TRIP11: variants seen among roughly 807,000 people sequenced by gnomAD.
TRIP11 encodes thyroid receptor-interacting protein 11.
Under a neutral mutation model 223.1 loss-of-function variants are expected in TRIP11, and 148 were observed. The ratio of observed to expected loss-of-function variants is 0.66; its 90% CI spans 0.58 to 0.76. The LOEUF (loss-of-function observed/expected upper bound fraction) is 0.76. TRIP11 is among the 30% of genes least tolerant of loss of function. The pLI, the probability that TRIP11 is intolerant of heterozygous loss-of-function variation, is 0.00. For synonymous variants in TRIP11, 762 were observed against 772.6 expected, an observed-to-expected ratio of 0.99 and a Z score of 0.23; for missense variants, 2,043 against 2,222.0, an observed-to-expected ratio of 0.92 and a Z score of 1.62.
At chr14:91,979,629 A>T (rs2056511482) in intron 16 of TRIP11, among the ~76,000 whole-genome samples, 1 of 152,200 alleles carries the variant, frequency 6.6e-6, no homozygotes, top group Non-Finnish European at 1.5e-5. Flanking sequence ...AAACTCAAGC[A>T]GTAGTTAGAA....
chr14:92,011,677 T>A, intron 8 of TRIP11, 78 bp downstream of exon 8: 1 of 1,200,986 alleles, frequency 8.3e-7, no homozygotes, highest in Non-Finnish European at 1.2e-6. Flanking sequence ...TTAAGGAAAA[T>A]TAAAACTCAT....
intron 4 of TRIP11, 140 bp downstream of exon 4, chr14:92,021,416 C>T: frequency 1.3e-6 from 1 of 753,312 alleles, no homozygotes; most frequent in Non-Finnish European, 2.1e-6. Flanking sequence ...GAAAGAAAGT[C>T]ACTGACGGAA....
chr14:91,998,499 A>G (rs1351609943), intron 13 of TRIP11, among the ~76,000 whole-genome samples: 1 of 152,188 alleles, frequency 6.6e-6, no homozygotes, highest in African/African-American at 2.4e-5. Flanking sequence ...TGACATTCAT[A>G]TTATTGATAG....
rs2056890438 is a variant in TRIP11 at position 92,005,631 on chromosome 14, A to G, written c.2345T>C (p.Ile782Thr). The change falls in exon 11 of 21, where the codon ATT (isoleucine) becomes ACT (threonine). Residue 782 changes from isoleucine (I) to threonine (T), a missense_variant. Coordinates refer to ENST00000267622, the MANE Select transcript of TRIP11 (RefSeq NM_004239.4). Reference protein sequence around the residue: ...DMEIAELKKNIEQMDTDHKET... With the variant: ...DMEIAELKKNTEQMDTDHKET... The stretch of plus-strand genomic sequence containing the variant: ...TTTATGGTCAGTATCCATTTGTTCA[A>G]TATTCTTTTTGAGTTCTGCTATTTC... The G allele has an allele frequency of 6.2e-7, 1 of 1,613,902 alleles. No individual in the cohort carries two copies. Among genetic ancestry groups the G allele is most frequent in the Admixed American group, 1.7e-5 (1 of 60,018 alleles).
chr14:92,019,803 T>C (rs1029694083), intron 4 of TRIP11, among the ~76,000 whole-genome samples: 2 of 152,156 alleles, frequency 1.3e-5, no homozygotes, highest in African/African-American at 4.8e-5. Flanking sequence ...CACATAAATA[T>C]TTAACGCAAA....
Position 92,014,495 on chromosome 14 carries a change from C to T in TRIP11, c.906G>A (p.Val302=), listed in dbSNP as rs1390923768. Residue 302 remains valine (V), a synonymous_variant, in exon 7 of 21, where the codon GTG becomes GTA. Coordinates refer to ENST00000267622, the MANE Select transcript of TRIP11 (RefSeq NM_004239.4). The stretch of plus-strand genomic sequence containing the variant: ...GTTGTTCCATTTTTTTGGTAGACTC[C>T]ACTTTTTCTATTTGTAGAACTTGAA... ...KTIQVLQIEK[V]ESTKKMEQLE... 3.1e-6 allele frequency: 5 copies of T among 1,595,650 alleles called. No homozygotes were observed. In the East Asian group the frequency reaches 1.1e-4, roughly 36 times the overall value.
chr14:92,023,349 A>AT (rs2057138201), intron 3 of TRIP11, among the ~76,000 whole-genome samples: 1 of 152,226 alleles, frequency 6.6e-6, no homozygotes, highest in Admixed American at 6.5e-5. Context: ...ATGTAATGAG[A>AT]TATCTTGGGG....
At chr14:91,999,911 C>CT in intron 12 of TRIP11, 57 bp downstream of exon 12, 1 of 1,603,704 alleles carries the variant, frequency 6.2e-7, no homozygotes, top group Admixed American at 1.7e-5. Flanking sequence ...TTCCAGTTCT[C>CT]TTAATAGTTA....
rs75223153 is a variant in TRIP11, at chr14:92,025,178, G to A, written c.312+132C>T. 4.9e-3 allele frequency: 3,564 copies of A among 726,558 alleles called. 80 individuals carry two copies. The highest frequency in any genetic ancestry group is 0.034 in the South Asian group (1,928 of 56,500). 45.0% of individuals were successfully genotyped at this position (726,558 alleles called of 1,614,324 possible). A position where few individuals can be genotyped will look rare whatever the true frequency, so the allele number is the denominator to read the frequency against. ...TAAATAAGGGATATCAAACTGAGTC[G>A]AAAATCATTAAATTCATCACCTTTT... On this transcript the variant is annotated intron_variant, in intron 3 of 20. Coordinates refer to ENST00000267622, the MANE Select transcript of TRIP11 (RefSeq NM_004239.4).
chr14:92,038,902 A>G (rs60935140), intron 1 of TRIP11, among the ~76,000 whole-genome samples: 1,586 of 152,328 alleles, frequency 0.01, 16 homozygotes, highest in African/African-American at 0.035. Context: ...GACTTCAAAA[A>G]TGAGTGAAGA....
In TRIP11 at chr14:91,978,728, C is replaced by T. The variant is rs547330865; in HGVS notation, c.5261-2539G>A. ...TGCCTGGGCTGATCTCAAACTCCTG[C>T]GTTCAAGTAATTCTCCTGCCATAGC... is the stretch of plus-strand genomic sequence containing the variant. On this transcript the variant is annotated intron_variant, in intron 16 of 20. Transcript: ENST00000267622. This position sits in a 1 kb window ranked among gnomAD's most constrained non-coding sequence, Gnocchi z 4.4. Among the ~76,000 whole-genome samples the T allele has an allele frequency of 2.6e-5, 4 of 152,176 alleles. No homozygotes were observed. The highest frequency in any genetic ancestry group is 4.8e-5 in the African/African-American group (2 of 41,522).
In TRIP11 at chr14:92,017,717, G is replaced by A; in HGVS notation, c.622C>T (p.Gln208Ter). Residue 208 changes from glutamine to a stop codon, truncating the protein, a stop_gained, in exon 5 of 21, where the codon CAA (glutamine) becomes TAA (stop). Coordinates refer to ENST00000267622, the MANE Select transcript of TRIP11 (RefSeq NM_004239.4). LOFTEE classifies it high-confidence loss of function. ...TTTTGTAGTTTACATATTTCACTTT[G>A]ATCAGAGTTATCTGTTCCTTGTGCT... Reference protein sequence around the residue: ...SKAQGTDNSDQSEICKLQNII... With the variant: ...SKAQGTDNSD The A allele has an allele frequency of 2.5e-6, 4 of 1,612,720 alleles. No individual in the cohort carries two copies. The highest frequency in any genetic ancestry group is 3.4e-6 in the Non-Finnish European group (4 of 1,179,296).
chr14:91,981,160 C>T (rs1448227827), intron 16 of TRIP11, among the ~76,000 whole-genome samples: 3 of 149,818 alleles, frequency 2.0e-5, no homozygotes, highest in African/African-American at 4.9e-5. Context: ...GGATAACAAG[C>T]GCCTGCCACC....
intron 6 of TRIP11, among the ~76,000 whole-genome samples, chr14:92,015,285 G>A (rs931037092): frequency 6.6e-6 from 1 of 152,118 alleles, no homozygotes; most frequent in Non-Finnish European, 1.5e-5. Context: ...TTATAACTTA[G>A]GGCAAGTTTA....
At position 91,975,228 on chromosome 14, in the gene TRIP11, C is replaced by T. The variant is rs144331208; in HGVS notation, c.5401G>A (p.Glu1801Lys). ...HFHTPKNQRH[E>K]VLRLMGSILG... ...ATGCTCCCCATTAACCGTAACACTT[C>T]ATGACGCTGATTTTTCGGTGTGTGG... The change falls in exon 18 of 21, where the codon GAA becomes AAA. Residue 1801 changes from glutamate to lysine, a missense_variant. Transcript: ENST00000267622. The T allele has an allele frequency of 1.5e-5, 25 of 1,613,734 alleles. No homozygotes were observed. In the African/African-American group the frequency reaches 3.2e-4, roughly 21 times the overall value.
In TRIP11 at chr14:91,975,167, G is replaced by C; in HGVS notation, c.5457+5C>G. On this transcript the variant is annotated splice_donor_5th_base_variant and intron_variant, in intron 18 of 20. Transcript: ENST00000267622. ...GTGTTCAGATGGCTTTCATCGTCCA[G>C]TCACCTGCTCCATCTCCTCCCTTCT... 1 of 1,611,048 alleles carries C rather than the reference G, an allele frequency of 6.2e-7. No individual in the cohort carries two copies. Among genetic ancestry groups the C allele is most frequent in the East Asian group, 2.2e-5 (1 of 44,844 alleles).
At position 92,034,538 on chromosome 14, in the gene TRIP11, T is replaced by G. The variant is rs552513168; in HGVS notation, c.140-1285A>C. Among the ~76,000 whole-genome samples the G allele has an allele frequency of 4.0e-4, 61 of 152,252 alleles. 1 individual carries two copies. The highest frequency in any genetic ancestry group is 3.2e-4 in the Non-Finnish European group (22 of 68,032). On this transcript the variant is annotated intron_variant, in intron 1 of 20. Coordinates refer to ENST00000267622, the MANE Select transcript of TRIP11 (RefSeq NM_004239.4). The stretch of plus-strand genomic sequence containing the variant: ...GCTCTCAATACTATCAAATAATAAG[T>G]GACCTATAAACGAAGAAAAATACAC...
intron 2 of TRIP11, 87 bp from the exon 3 acceptor site, chr14:92,025,507 T>G (rs996184843): frequency 7.3e-6 from 6 of 822,062 alleles, no homozygotes; most frequent in Non-Finnish European, 1.2e-5. Context: ...AACGTACTGC[T>G]TTCCCCCCCC....
chr14:92,006,304 C>G lies in TRIP11; in HGVS notation c.1672G>C (p.Asp558His), dbSNP rs1289529839. 1 of 1,610,706 alleles carries G rather than the reference C, an allele frequency of 6.2e-7. No homozygotes were observed. Among genetic ancestry groups the G allele is most frequent in the South Asian group, 1.1e-5 (1 of 90,152 alleles). ...TGAATTAGCTTTTCTTTCTGTACAT[C>G]TAACTCTTTAGTAATGTCCATTTTA... Reference protein sequence around the residue: ...DDKMDITKELDVQKEKLIQSE... With the variant: ...DDKMDITKELHVQKEKLIQSE... The change falls in exon 11 of 21, where the codon GAT becomes CAT. Residue 558 changes from aspartate to histidine, a missense_variant. By Grantham distance (81) the Asp-to-His change is moderately conservative. Coordinates refer to ENST00000267622, the MANE Select transcript of TRIP11 (RefSeq NM_004239.4).
Sources: allele counts gnomAD v4.1 joint callset (sites outside exome capture counted in the v4.1 genomes callset), GRCh38; gene constraint gnomAD v4.1.1; non-coding constraint Gnocchi (gnomAD v3.1); transcripts MANE v1.5; gene names NCBI Gene and HGNC (gene_info 2026-07-23, HGNC 2026-07-21).